SPG11: variants seen among roughly 807,000 people sequenced by gnomAD.
SPG11 encodes the protein spatacsin.
Under a neutral mutation model 274.0 loss-of-function variants are expected in SPG11, and 222 were observed. That is an observed-to-expected ratio of 0.81 (90% CI 0.73 to 0.91). The LOEUF is 0.91. SPG11 is among the 40% of genes least tolerant of loss of function. SPG11 has a pLI of 0.00. For missense variants in SPG11, 3,114 were observed against 2,872.7 expected (o/e 1.08, Z -1.92); for synonymous variants, 1,144 against 1,039.7 (o/e 1.10, Z -1.93).
At chr15:44,644,031 G>T (rs2084534059) in intron 7 of SPG11, among the ~76,000 whole-genome samples, 1 of 151,966 alleles carries the variant, frequency 6.6e-6, no homozygotes, top group East Asian at 1.9e-4. Context: ...GCCGGGTGTG[G>T]TGGTGGGCAC....
chr15:44,613,429 C>T lies in SPG11; in HGVS notation c.3145+1G>A. ...CTGTGTTTAATACAGTATACCCATA[C>T]CTGTTAAGTTACTGGCAACTTGTCG... On this transcript the variant is annotated splice_donor_variant, in intron 17 of 39. Transcript: ENST00000261866. LOFTEE classifies it high-confidence loss of function. The T allele has an allele frequency of 6.3e-7, 1 of 1,595,242 alleles. No individual in the cohort carries two copies. Among genetic ancestry groups the T allele is most frequent in the Non-Finnish European group, 8.6e-7 (1 of 1,162,896 alleles).
chr15:44,653,527 A>C (rs1049176922), intron 4 of SPG11, among the ~76,000 whole-genome samples: 1 of 152,222 alleles, frequency 6.6e-6, no homozygotes, highest in East Asian at 1.9e-4. Flanking sequence ...ACTCTTAGCT[A>C]CTCTATTGTG....
rs1355749124 is a variant in SPG11, at chr15:44,596,830, A to T, written c.4115T>A (p.Leu1372Gln). ...GAGTTGGCTGTGAATAATGAACTGC[A>T]GCCAATCATTTGCTTTGGCACATTC... The part of the protein sequence containing the change: ...LRECAKANDW[L>Q]QFIIHSQLHN... Residue 1372 changes from leucine to glutamine, a missense_variant, in exon 24 of 40, where the codon CTG (leucine) becomes CAG (glutamine). Coordinates refer to ENST00000261866, the MANE Select transcript of SPG11 (RefSeq NM_025137.4). The T allele has an allele frequency of 6.2e-7, 1 of 1,614,128 alleles. No homozygotes were observed. Among genetic ancestry groups the T allele is most frequent in the East Asian group, 2.2e-5 (1 of 44,880 alleles).
chr15:44,564,504 C>A (rs780852629), intron 39 of SPG11, 43 bp downstream of exon 39: 1 of 1,605,858 alleles, frequency 6.2e-7, no homozygotes, highest in Non-Finnish European at 8.5e-7. Flanking sequence ...CACCTCAAAG[C>A]AGAGGCAAGG....
At chr15:44,624,414 T>C (rs1388817981) in intron 11 of SPG11, among the ~76,000 whole-genome samples, 1 of 151,726 alleles carries the variant, frequency 6.6e-6, no homozygotes, top group Non-Finnish European at 1.5e-5. Context: ...CTAAATGAAA[T>C]AAGCCAGACA....
intron 28 of SPG11, among the ~76,000 whole-genome samples, chr15:44,587,693 CAAAAAAAAAAA>C (rs34479385): frequency 5.9e-5 from 2 of 34,054 alleles, no homozygotes; most frequent in African/African-American, 3.6e-4. Context: ...CAGACTGTCT[CAAAAAAAAAAA>C]AAAAAAAAAA....
intron 1 of SPG11, among the ~76,000 whole-genome samples, chr15:44,662,650 TAAAAA>T (rs527806518): frequency 2.3e-4 from 21 of 91,180 alleles, no homozygotes; most frequent in Non-Finnish European, 3.5e-4. Context: ...ACCTTATCTT[TAAAAA>T]AAAAAAAAAA....
chr15:44,570,600 G>A lies in SPG11; in HGVS notation c.6402C>T (p.Gly2134=), dbSNP rs745801884. 8.7e-6 allele frequency: 14 copies of A among 1,614,108 alleles called. No homozygotes were observed. The South Asian group carries it at 1.3e-4, about 15-fold the overall frequency. The part of the protein sequence containing the change: ...HCFTLTCHME[G]IIRVLQAAHM... ...GGGCGGCCTGTAGGACTCGGATGAT[G>A]CCCTCCATGTGGCACGTCAGGGTGA... The change falls in exon 34 of 40, where the codon GGC becomes GGT. Residue 2134 remains glycine, a synonymous_variant. Coordinates refer to ENST00000261866, the MANE Select transcript of SPG11 (RefSeq NM_025137.4).
intron 27 of SPG11, among the ~76,000 whole-genome samples, chr15:44,591,870 G>C (rs962356748): frequency 6.6e-6 from 1 of 152,154 alleles, no homozygotes. Flanking sequence ...AGCACTTCAG[G>C]AGGCTGAAGT....
intron 7 of SPG11, among the ~76,000 whole-genome samples, chr15:44,644,342 G>A (rs151298407): frequency 6.6e-6 from 1 of 151,908 alleles, no homozygotes; most frequent in Non-Finnish European, 1.5e-5. Context: ...AAAAACCATT[G>A]CTTGCTCCTC....
chr15:44,613,701 T>C (rs2083519879), intron 16 of SPG11, among the ~76,000 whole-genome samples, 165 bp from the exon 17 acceptor site: 1 of 152,252 alleles, frequency 6.6e-6, no homozygotes, highest in South Asian at 2.1e-4. Flanking sequence ...TACATATTCT[T>C]CATGATCTGG....
At chr15:44,642,890 A>G (rs1240083627) in intron 7 of SPG11, among the ~76,000 whole-genome samples, 4 of 152,028 alleles carry the variant, frequency 2.6e-5, no homozygotes, top group Non-Finnish European at 5.9e-5. Flanking sequence ...AAATAAATAA[A>G]ATTTCAGAAG....
At chr15:44,656,942 T>C (rs572804199) in intron 4 of SPG11, among the ~76,000 whole-genome samples, 153 bp downstream of exon 4, 1 of 152,212 alleles carries the variant, frequency 6.6e-6, no homozygotes, top group South Asian at 2.1e-4. Flanking sequence ...TACATATTAT[T>C]CAGTAACTAC....
At chr15:44,610,819 G>T in intron 18 of SPG11, 21 bp downstream of exon 18, 3 of 1,610,066 alleles carry the variant, frequency 1.9e-6, no homozygotes, top group Non-Finnish European at 2.5e-6. Flanking sequence ...GTCCTATTTT[G>T]TCATAAAGTG....
chr15:44,579,665 G>C (rs527412737), intron 30 of SPG11, among the ~76,000 whole-genome samples: 1 of 151,716 alleles, frequency 6.6e-6, no homozygotes, highest in South Asian at 2.1e-4. Context: ...TAATACAAAT[G>C]TTCCAATAAG....
Position 44,592,314 on chromosome 15 carries a change from C to T in SPG11, c.4743+17G>A, listed in dbSNP as rs1433422604. On this transcript the variant is annotated intron_variant, in intron 27 of 39. Coordinates refer to ENST00000261866, the MANE Select transcript of SPG11 (RefSeq NM_025137.4). The stretch of plus-strand genomic sequence containing the variant: ...AAGTGCAGATCAGTGAGAAAGAGCA[C>T]CATAATTCCAACTTACCGTTTCAAG... 3.4e-6 allele frequency: 5 copies of T among 1,479,704 alleles called. No individual in the cohort carries two copies. Among genetic ancestry groups the T allele is most frequent in the East Asian group, 2.3e-5 (1 of 44,238 alleles). 91.7% of individuals were successfully genotyped at this position (1,479,704 alleles called of 1,614,324 possible).
rs1287398920 is a variant in SPG11 at position 44,622,217 on chromosome 15, T to C, written c.2444+3A>G. Reference sequence around the variant, plus strand: ...ATTATCAAAAGAGGACTAATGAGACTACCTGGGAAATGACTGGATTTGCAT... The same window carrying C: ...ATTATCAAAAGAGGACTAATGAGACCACCTGGGAAATGACTGGATTTGCAT... On this transcript the variant is annotated splice_donor_region_variant and intron_variant, in intron 13 of 39. Transcript: ENST00000261866. 2 of 1,612,118 alleles carry C rather than the reference T, an allele frequency of 1.2e-6. No individual in the cohort carries two copies. The highest frequency in any genetic ancestry group is 4.5e-5 in the East Asian group (2 of 44,768).
intron 7 of SPG11, among the ~76,000 whole-genome samples, chr15:44,645,816 G>C (rs893083867): frequency 1.3e-5 from 2 of 151,966 alleles, no homozygotes; most frequent in African/African-American, 4.8e-5. Flanking sequence ...GAACAGACAT[G>C]TCCTTTCATG....
At chr15:44,641,997 G>A (rs571364365) in intron 7 of SPG11, among the ~76,000 whole-genome samples, 1 of 147,790 alleles carries the variant, frequency 6.8e-6, no homozygotes, top group African/African-American at 2.5e-5. Context: ...ATACGATACA[G>A]AGGTGAAACT....
Sources: gnomAD v4.1 joint callset for allele counts (sites outside exome capture counted in the v4.1 genomes callset) on GRCh38, gnomAD v4.1.1 for gene constraint, MANE v1.5 for transcripts, NCBI Gene and HGNC (gene_info 2026-07-23, HGNC 2026-07-21) for gene names.